Variants in MMP16 observed in about 807,000 individuals in gnomAD.
MMP16 encodes the protein matrix metalloproteinase-16.
In MMP16, 12 loss-of-function variants were observed where a neutral mutation model predicts 67.8. That is an observed-to-expected ratio of 0.18 (90% CI 0.11 to 0.29). The LOEUF (loss-of-function observed/expected upper bound fraction) is 0.29. Ranked by LOEUF, MMP16 falls within the 10% of genes least tolerant of loss-of-function variation. The pLI is 1.00. For missense variants in MMP16, 475 were observed against 765.7 expected (o/e 0.62, Z 4.48); for synonymous variants, 249 against 255.9 (o/e 0.97, Z 0.26).
rs775243884 is a variant in MMP16 at position 88,197,274 on chromosome 8, C to A, written c.165G>T (p.Pro55=). Residue 55 remains proline, a synonymous_variant, in exon 2 of 10, where the codon CCG becomes CCT. Transcript: ENST00000286614. ...VWLQKYGYLP[P]TDPRMSVLRS... The stretch of plus-strand genomic sequence containing the variant: ...GCAGCACTGACATTCTGGGGTCAGT[C>A]GGTGGAAGGTAGCCGTACTTTTGTA... 1.9e-6 allele frequency: 3 copies of A among 1,584,578 alleles called. No homozygotes were observed. In the South Asian group the frequency reaches 3.5e-5, roughly 18 times the overall value.
At chr8:88,240,474 T>C (rs1366307114) in intron 1 of MMP16, among the ~76,000 whole-genome samples, 1 of 152,046 alleles carries the variant, frequency 6.6e-6, no homozygotes, top group African/African-American at 2.4e-5. Flanking sequence ...GGGATGAAGG[T>C]AGAAAAGCAG....
intron 4 of MMP16, among the ~76,000 whole-genome samples, chr8:88,153,047 C>A (rs1441684314): frequency 1.1e-4 from 14 of 126,082 alleles, no homozygotes; most frequent in African/African-American, 4.2e-4. Flanking sequence ...GTACAAAAAT[C>A]ACAAGCATTC....
intron 1 of MMP16, among the ~76,000 whole-genome samples, chr8:88,239,231 G>T (rs1353526217): frequency 7.3e-6 from 1 of 137,912 alleles, no homozygotes; most frequent in African/African-American, 2.7e-5. Context: ...GGAAACGGAG[G>T]TTGCAGTGAA....
rs1808069039 is a variant in MMP16, at chr8:88,037,364, G to A, written c.*4097C>T. On this transcript the variant is annotated 3_prime_UTR_variant, in exon 10 of 10. Coordinates refer to ENST00000286614, the MANE Select transcript of MMP16 (RefSeq NM_005941.5). ...ATTATTAAAGGTAACACTTGCTTAT[G>A]TGTTAACAAAAAAAGATTATAGGTA... is the stretch of plus-strand genomic sequence containing the variant. 1 of 151,576 alleles carries A rather than the reference G, an allele frequency of 6.6e-6. No homozygotes were observed. The highest frequency in any genetic ancestry group is 2.1e-4 in the South Asian group (1 of 4,820). The allele number at this position is 151,576 out of a possible 1,614,324, so 9.4% of individuals were successfully genotyped here.
intron 7 of MMP16, among the ~76,000 whole-genome samples, chr8:88,071,854 G>T (rs190609022): frequency 6.6e-6 from 1 of 151,962 alleles, no homozygotes; most frequent in Non-Finnish European, 1.5e-5. Flanking sequence ...ACAAAGAAAG[G>T]TATATAATAG....
intron 8 of MMP16, among the ~76,000 whole-genome samples, chr8:88,052,719 CA>C (rs1462817177): frequency 1.3e-5 from 2 of 152,342 alleles, no homozygotes; most frequent in Admixed American, 6.5e-5. Flanking sequence ...TGTTTTTGAA[CA>C]ATCCAACTTC....
intron 1 of MMP16, among the ~76,000 whole-genome samples, chr8:88,216,576 T>G (rs961849158): frequency 5.9e-5 from 9 of 152,166 alleles, no homozygotes; most frequent in African/African-American, 1.9e-4. Context: ...GTTTCCTCTG[T>G]CTGGAATAGT....
chr8:88,321,361 T>G (rs1199676630), intron 1 of MMP16, among the ~76,000 whole-genome samples: 3 of 152,190 alleles, frequency 2.0e-5, no homozygotes, highest in Non-Finnish European at 4.4e-5. Context: ...ATTTTGAACT[T>G]ATTCCAACTT....
At chr8:88,261,607 CA>C (rs1470003001) in intron 1 of MMP16, among the ~76,000 whole-genome samples, 1 of 151,658 alleles carries the variant, frequency 6.6e-6, no homozygotes, top group Non-Finnish European at 1.5e-5. Context: ...AACCACTGGG[CA>C]AAAAAAGATA....
At chr8:88,188,953 C>G (rs928998779) in intron 2 of MMP16, among the ~76,000 whole-genome samples, 6 of 152,160 alleles carry the variant, frequency 3.9e-5, no homozygotes, top group African/African-American at 7.2e-5. Flanking sequence ...CCGTGCCCGG[C>G]CCAAAGAACA....
chr8:88,293,010 A>G (rs1207052114), intron 1 of MMP16, among the ~76,000 whole-genome samples: 1 of 152,188 alleles, frequency 6.6e-6, no homozygotes, highest in Non-Finnish European at 1.5e-5. Context: ...CAGTGCCTTC[A>G]TGTCTATCCA....
intron 6 of MMP16, among the ~76,000 whole-genome samples, chr8:88,080,602 AT>A (rs1458340060): frequency 6.6e-6 from 1 of 151,902 alleles, no homozygotes; most frequent in African/African-American, 2.4e-5. Flanking sequence ...CGCCCAGCTA[AT>A]TTTTGTATTT....
chr8:88,181,727 A>G (rs1808983175), intron 3 of MMP16, among the ~76,000 whole-genome samples: 1 of 152,026 alleles, frequency 6.6e-6, no homozygotes, highest in South Asian at 2.1e-4. Context: ...ACTTAAGAAA[A>G]TAAACACAAT....
At position 88,259,303 on chromosome 8, in the gene MMP16, C is replaced by T. The variant is rs28904584; in HGVS notation, c.133-61997G>A. 1.8e-4 allele frequency among the ~76,000 whole-genome samples: 28 copies of T among 152,172 alleles called. No individual in the cohort carries two copies. The South Asian group carries it at 3.1e-3, about 17-fold the overall frequency. On this transcript the variant is annotated intron_variant, in intron 1 of 9. Transcript: ENST00000286614. ...GTCAGGAAATTGGATGCATTTTCAA[C>T]GGAAATGTCTCAAAGAGAGTATATT...
At chr8:88,256,716 A>G (rs911604231) in intron 1 of MMP16, among the ~76,000 whole-genome samples, 1 of 148,682 alleles carries the variant, frequency 6.7e-6, no homozygotes, top group Admixed American at 6.8e-5. Context: ...CACACACACC[A>G]TCCATCAGGG....
intron 2 of MMP16, among the ~76,000 whole-genome samples, chr8:88,187,659 G>A (rs757527315): frequency 1.6e-4 from 24 of 152,162 alleles, no homozygotes; most frequent in Non-Finnish European, 2.6e-4. Flanking sequence ...TGCATGTGAA[G>A]TAATTTACAT....
chr8:88,060,778 G>T (rs1417718809), intron 7 of MMP16, among the ~76,000 whole-genome samples: 2 of 152,038 alleles, frequency 1.3e-5, no homozygotes, highest in African/African-American at 2.4e-5. Flanking sequence ...TTATTTTCGT[G>T]TAGCACCTCA....
rs1808049231 is a variant in MMP16 at position 88,036,012 on chromosome 8, A to G, written c.*5449T>C. On this transcript the variant is annotated 3_prime_UTR_variant, in exon 10 of 10. Transcript: ENST00000286614. ...GGTCACAATTAGATGAGACTAGAAC[A>G]TGAAGGCAACTTCTTTGCTACTACG... 1 of 152,032 alleles carries G rather than the reference A, an allele frequency of 6.6e-6. No homozygotes were observed. The highest frequency in any genetic ancestry group is 2.4e-5 in the African/African-American group (1 of 41,466). 9.4% of individuals were successfully genotyped at this position (152,032 alleles called of 1,614,324 possible). A position where few individuals can be genotyped will look rare whatever the true frequency, so the allele number is the denominator to read the frequency against.
intron 1 of MMP16, among the ~76,000 whole-genome samples, chr8:88,207,337 C>T (rs1563562345): frequency 6.6e-6 from 1 of 152,146 alleles, no homozygotes; most frequent in African/African-American, 2.4e-5. Flanking sequence ...CCTCCTGTTG[C>T]TATTGCAGTG....
Sources: gnomAD v4.1 joint callset for allele counts (sites outside exome capture counted in the v4.1 genomes callset) on GRCh38, gnomAD v4.1.1 for gene constraint, MANE v1.5 for transcripts, NCBI Gene and HGNC (gene_info 2026-07-23, HGNC 2026-07-21) for gene names.